The following NXN variants were observed in gnomAD, a reference collection of about 807,000 sequenced individuals.
NXN encodes the protein nucleoredoxin.
In NXN, 16 loss-of-function variants were observed where a neutral mutation model predicts 48.6. The ratio of observed to expected loss-of-function variants is 0.33; its 90% CI spans 0.22 to 0.50. The LOEUF (loss-of-function observed/expected upper bound fraction) is 0.50, where lower values mean the gene tolerates loss of function less well. NXN is among the 20% of genes least tolerant of loss of function. The pLI, the probability that NXN is intolerant of heterozygous loss-of-function variation, is 0.98. For missense variants in NXN, 492 were observed against 605.5 expected (o/e 0.81, Z 1.97); for synonymous variants, 281 against 269.6 (o/e 1.04, Z -0.41).
At chr17:950,905 C>T (rs2069101664) in intron 1 of NXN, among the ~76,000 whole-genome samples, 1 of 148,080 alleles carries the variant, frequency 6.8e-6, no homozygotes, top group Non-Finnish European at 1.5e-5. Context: ...AGACACATTC[C>T]TCCCCAAATC....
chr17:883,830 G>A (rs1292807841), intron 1 of NXN, among the ~76,000 whole-genome samples: 2 of 152,144 alleles, frequency 1.3e-5, no homozygotes, highest in African/African-American at 4.8e-5. Flanking sequence ...CCCAATCAGC[G>A]TGGGAGGCCC....
chr17:863,365 C>T (rs930792597), intron 1 of NXN, among the ~76,000 whole-genome samples: 1 of 152,048 alleles, frequency 6.6e-6, no homozygotes, highest in African/African-American at 2.4e-5. Context: ...GACGGGGTTT[C>T]ACCGTGTGAG....
chr17:914,024 C>T (rs1046574935), intron 1 of NXN, among the ~76,000 whole-genome samples: 4 of 152,260 alleles, frequency 2.6e-5, no homozygotes, highest in East Asian at 1.9e-4. Context: ...CTCAGCCTCC[C>T]GGGTAGCTGG....
At chr17:940,140 G>A (rs977176227) in intron 1 of NXN, among the ~76,000 whole-genome samples, 1 of 150,858 alleles carries the variant, frequency 6.6e-6, no homozygotes, top group Non-Finnish European at 1.5e-5. Flanking sequence ...AGGTGGGGGG[G>A]TCTCAGTATG....
At chr17:879,536 C>G (rs1476275754) in intron 1 of NXN, among the ~76,000 whole-genome samples, 1 of 152,016 alleles carries the variant, frequency 6.6e-6, no homozygotes, top group African/African-American at 2.4e-5. Context: ...ATCCACCCGC[C>G]TCGGCCTCCC....
chr17:931,856 A>T (rs1164883255), intron 1 of NXN, among the ~76,000 whole-genome samples: 17 of 120,604 alleles, frequency 1.4e-4, no homozygotes, highest in South Asian at 2.7e-4. Flanking sequence ...AAAAAAAAAA[A>T]TTTTTGGCCG....
At chr17:893,342 C>G (rs964587272) in intron 1 of NXN, among the ~76,000 whole-genome samples, 7 of 152,224 alleles carry the variant, frequency 4.6e-5, no homozygotes, top group Non-Finnish European at 8.8e-5. Context: ...AAACCCTAGG[C>G]AGAGGCTGGA....
chr17:827,196 T>G (rs754267747), intron 1 of NXN, among the ~76,000 whole-genome samples: 3 of 151,812 alleles, frequency 2.0e-5, no homozygotes, highest in Non-Finnish European at 4.4e-5. Context: ...ATACAAAAAT[T>G]AGCTGGGCGT....
intron 1 of NXN, among the ~76,000 whole-genome samples, chr17:964,626 C>T (rs1271629410): frequency 2.0e-5 from 3 of 152,240 alleles, no homozygotes; most frequent in Admixed American, 1.3e-4. Flanking sequence ...CTCACGCCTA[C>T]ATCTGAAATG....
intron 1 of NXN, among the ~76,000 whole-genome samples, chr17:901,989 C>T (rs1326979865): frequency 2.0e-5 from 3 of 152,036 alleles, no homozygotes; most frequent in African/African-American, 7.2e-5. Context: ...TGTGAGCCAC[C>T]GCACCCGGCC....
intron 1 of NXN, among the ~76,000 whole-genome samples, chr17:918,548 A>T (rs1567862288): frequency 1.3e-5 from 2 of 152,082 alleles, no homozygotes; most frequent in Non-Finnish European, 2.9e-5. Flanking sequence ...GTAATCCCAG[A>T]AAGTGAGGCC....
chr17:892,880 C>A (rs1270924118), intron 1 of NXN, among the ~76,000 whole-genome samples: 1 of 152,210 alleles, frequency 6.6e-6, no homozygotes, highest in Non-Finnish European at 1.5e-5. Context: ...CTGTGAACTT[C>A]AGATAGTAAC....
chr17:953,708 C>T (rs2069137285), intron 1 of NXN, among the ~76,000 whole-genome samples: 1 of 152,146 alleles, frequency 6.6e-6, no homozygotes, highest in African/African-American at 2.4e-5. Context: ...CATCCCAGAA[C>T]TTGGATTGCT....
chr17:876,007 C>T lies in NXN; in HGVS notation c.361-49929G>A, dbSNP rs543440630. 2.0e-5 allele frequency among the ~76,000 whole-genome samples: 3 copies of T among 152,024 alleles called. No homozygotes were observed. The East Asian group carries it at 5.8e-4, about 29-fold the overall frequency. On this transcript the variant is annotated intron_variant, in intron 1 of 7. Coordinates refer to ENST00000336868, the MANE Select transcript of NXN (RefSeq NM_022463.5). ...GACCATCCTGGCTATCAGGGTGAAA[C>T]CCCGTCTCTACTAAAAATATAAAAT...
chr17:960,048 C>T (rs1461252610), intron 1 of NXN, among the ~76,000 whole-genome samples: 1 of 151,332 alleles, frequency 6.6e-6, no homozygotes, highest in Middle Eastern at 3.5e-3. Flanking sequence ...GCCGAGATTG[C>T]ACCACTGCAC....
chr17:837,535 A>G (rs903073375), intron 1 of NXN, among the ~76,000 whole-genome samples: 4 of 152,234 alleles, frequency 2.6e-5, no homozygotes, highest in African/African-American at 9.6e-5. Context: ...GCCAGAACAG[A>G]TGCCCCCTAA....
chr17:814,693 C>T (rs1912368223), intron 5 of NXN, among the ~76,000 whole-genome samples: 1 of 152,230 alleles, frequency 6.6e-6, no homozygotes, highest in South Asian at 2.1e-4. Flanking sequence ...TCCCGTGGAG[C>T]TCAGTACGGA....
rs570449627 is a variant in NXN at position 949,908 on chromosome 17, C to T, written c.360+29411G>A. The stretch of plus-strand genomic sequence containing the variant: ...CATCTGCCTGGGCACCTTCTGGTAA[C>T]AGTCATTTGGCCAGCAGCTTCTCGG... On this transcript the variant is annotated intron_variant, in intron 1 of 7. Transcript: ENST00000336868. Among the ~76,000 whole-genome samples, 30 of 151,806 alleles carry T rather than the reference C, an allele frequency of 2.0e-4. No homozygotes were observed. The South Asian group carries it at 5.7e-3, about 29-fold the overall frequency.
intron 7 of NXN, among the ~76,000 whole-genome samples, chr17:801,440 A>ATT (rs773810580): frequency 1.2e-5 from 1 of 84,428 alleles, no homozygotes; most frequent in African/African-American, 3.8e-5. Flanking sequence ...GAAATGTCAC[A>ATT]TTCTTTTTTT....
Sources: gnomAD v4.1 joint callset for allele counts (sites outside exome capture counted in the v4.1 genomes callset) on GRCh38, gnomAD v4.1.1 for gene constraint, MANE v1.5 for transcripts, NCBI Gene and HGNC (gene_info 2026-07-23, HGNC 2026-07-21) for gene names.